RBFOX2: variants seen among roughly 807,000 people sequenced by gnomAD.
RBFOX2 encodes RNA binding fox-1 homolog 2.
RBFOX2 carries 10 observed loss-of-function variants against 49.1 expected under a neutral mutation model. That is an observed-to-expected ratio of 0.20 (90% CI 0.13 to 0.35). The LOEUF is 0.35. Among genes scored for constraint, RBFOX2 ranks in the 10% least tolerant of loss-of-function variants. The probability of loss-of-function intolerance (pLI) is 1.00; values close to 1 mark genes in which losing one functional copy is unlikely to be tolerated. For missense variants in RBFOX2, 323 were observed against 486.9 expected (o/e 0.66, Z 3.17); for synonymous variants, 183 against 187.4 (o/e 0.98, Z 0.19).
At chr22:35,847,590 A>C (rs1332367392) in intron 1 of RBFOX2, among the ~76,000 whole-genome samples, 1 of 152,182 alleles carries the variant, frequency 6.6e-6, no homozygotes, top group Non-Finnish European at 1.5e-5. Context: ...ACTGAAAAAA[A>C]CTGTTACTTT....
At chr22:35,827,124 G>T (rs1955930086) in intron 1 of RBFOX2, among the ~76,000 whole-genome samples, 1 of 152,164 alleles carries the variant, frequency 6.6e-6, no homozygotes, top group African/African-American at 2.4e-5. Context: ...GAAATCTGTA[G>T]ATAATCTGAT....
At chr22:35,995,519 T>C (rs12169476) in intron 1 of RBFOX2, 19,241 of 152,098 alleles carry the variant, frequency 0.13, 2,570 homozygotes, top group African/African-American at 0.34. Flanking sequence ...CAAATTGTAA[T>C]CCCCACGTGT....
intron 2 of RBFOX2, among the ~76,000 whole-genome samples, chr22:35,782,511 C>T (rs1011857968): frequency 2.3e-4 from 35 of 152,276 alleles, no homozygotes; most frequent in African/African-American, 7.5e-4. Flanking sequence ...TTGGTAGAGA[C>T]GGGGTTTCAC....
intron 1 of RBFOX2, among the ~76,000 whole-genome samples, chr22:36,014,399 C>T (rs1344935050): frequency 6.6e-6 from 1 of 152,118 alleles, no homozygotes; most frequent in African/African-American, 2.4e-5. Context: ...CGTGAGCCAC[C>T]GCGCCCGGCC....
intron 1 of RBFOX2, among the ~76,000 whole-genome samples, chr22:35,920,340 A>G (rs947680806): frequency 6.6e-6 from 1 of 152,228 alleles, no homozygotes; most frequent in African/African-American, 2.4e-5. Flanking sequence ...CTCAGCCTCT[A>G]TGTCAAAAAG....
intron 1 of RBFOX2, among the ~76,000 whole-genome samples, chr22:36,016,031 C>G (rs6000061): frequency 4.4e-4 from 67 of 152,254 alleles, no homozygotes; most frequent in African/African-American, 1.6e-3. Flanking sequence ...GGAGTCCCAA[C>G]AACTTCCAGG....
At chr22:35,992,854 C>T (rs186437569) in intron 1 of RBFOX2, 18 of 152,300 alleles carry the variant, frequency 1.2e-4, no homozygotes, top group Middle Eastern at 3.4e-3. Context: ...AATTCCCTCA[C>T]ATCTTCCACT....
intron 3 of RBFOX2, among the ~76,000 whole-genome samples, chr22:35,781,182 G>C (rs1945083942): frequency 1.3e-5 from 2 of 152,308 alleles, no homozygotes; most frequent in East Asian, 3.9e-4. Flanking sequence ...TATTTTTTAA[G>C]CTTCCCAGGT....
In RBFOX2 at chr22:35,796,519, C is replaced by T. The variant is rs925108192; in HGVS notation, c.252+13261G>A. Among the ~76,000 whole-genome samples, 2 of 152,118 alleles carry T rather than the reference C, an allele frequency of 1.3e-5. 1 individual carries two copies. The highest frequency in any genetic ancestry group is 4.8e-5 in the African/African-American group (2 of 41,420). On this transcript the variant is annotated intron_variant, in intron 2 of 11. Coordinates refer to ENST00000405409, the Ensembl canonical transcript of RBFOX2. ...AGAAAAGGGAAAAGTATTTCAATAG[C>T]CTTCTCAGAAAACTGTGGAGTCTTC...
rs115253453 is a variant in RBFOX2 at position 35,937,988 on chromosome 22, A to T, written c.-34+859T>A. ...ACTCTTTCGTTTAGCACTGTAACTC[A>T]TATCTCCTGGACAAGTATAACAATG... is the stretch of plus-strand genomic sequence containing the variant. On this transcript the variant is annotated intron_variant, in intron 1 of 13. Transcript: ENST00000359369. 6.7e-3 allele frequency among the ~76,000 whole-genome samples: 1,020 copies of T among 152,294 alleles called. 11 individuals carry two copies. The highest frequency in any genetic ancestry group is 0.023 in the African/African-American group (974 of 41,570).
At chr22:35,991,261 G>GA (rs1220926559) in intron 1 of RBFOX2, among the ~76,000 whole-genome samples, 6 of 152,058 alleles carry the variant, frequency 3.9e-5, no homozygotes, top group African/African-American at 1.4e-4. Context: ...TGTGCAACAG[G>GA]AAAAAATGGG....
intron 1 of RBFOX2, among the ~76,000 whole-genome samples, chr22:35,938,229 T>C (rs570864179): frequency 6.6e-6 from 1 of 152,294 alleles, no homozygotes; most frequent in South Asian, 2.1e-4. Flanking sequence ...GGCTCAAGTA[T>C]TCAAACAACA....
At chr22:35,830,505 T>G (rs1169762229) in intron 1 of RBFOX2, among the ~76,000 whole-genome samples, 1 of 152,240 alleles carries the variant, frequency 6.6e-6, no homozygotes, top group Non-Finnish European at 1.5e-5. Context: ...AGCAAGTGTC[T>G]TTGTGTGAAC....
intron 9 of RBFOX2, 90 bp downstream of exon 11, chr22:35,756,015 G>T (rs1286084075): frequency 6.4e-6 from 6 of 934,162 alleles, no homozygotes; most frequent in Non-Finnish European, 7.2e-6. Context: ...AAATTAAAAG[G>T]AAAAAAACCA....
intron 1 of RBFOX2, among the ~76,000 whole-genome samples, chr22:36,024,083 T>C (rs2059341019): frequency 6.6e-6 from 1 of 152,192 alleles, no homozygotes; most frequent in Admixed American, 6.5e-5. Context: ...TAAAAAGCGG[T>C]TAATCCTTTG....
chr22:35,917,445 G>A (rs2050556472), intron 1 of RBFOX2, among the ~76,000 whole-genome samples: 1 of 152,184 alleles, frequency 6.6e-6, no homozygotes, highest in South Asian at 2.1e-4. Flanking sequence ...TGCACAGTGA[G>A]AGAAGGATTT....
chr22:35,840,243 C>G lies in RBFOX2; in HGVS notation c.-25G>C, dbSNP rs575621996. ...TAAACCAAACGGATAGATGATAAAC[C>G]TTTCAAAGCAGCCGTGCTGGGGCAC... On this transcript the variant is annotated 5_prime_UTR_variant, in exon 1 of 12. Transcript: ENST00000405409. 2.8e-5 allele frequency: 46 copies of G among 1,614,130 alleles called. No individual in the cohort carries two copies. In the East Asian group the frequency reaches 8.9e-4, roughly 31 times the overall value.
At chr22:35,836,344 A>G (rs1957658508) in intron 1 of RBFOX2, 1 of 152,274 alleles carries the variant, frequency 6.6e-6, no homozygotes. Flanking sequence ...GTCTTTAATT[A>G]AAGCATAAAA....
At chr22:35,889,919 A>T (rs1037667611) in intron 1 of RBFOX2, among the ~76,000 whole-genome samples, 1 of 152,162 alleles carries the variant, frequency 6.6e-6, no homozygotes, top group Non-Finnish European at 1.5e-5. Context: ...ACTTTCACAG[A>T]TTATCTCTAT....
Sources: allele counts gnomAD v4.1 joint callset (sites outside exome capture counted in the v4.1 genomes callset), GRCh38; gene constraint gnomAD v4.1.1; transcripts MANE v1.5; gene names NCBI Gene and HGNC (gene_info 2026-07-23, HGNC 2026-07-21).